ARHGAP32: variants seen among roughly 807,000 people sequenced by gnomAD.
ARHGAP32 encodes the protein rho GTPase-activating protein 32.
A neutral mutation model predicts 186.5 loss-of-function variants in ARHGAP32; 51 were observed. That is an observed-to-expected ratio of 0.27 (90% CI 0.22 to 0.35). The LOEUF (loss-of-function observed/expected upper bound fraction) is 0.35. Among genes scored for constraint, ARHGAP32 ranks in the 10% least tolerant of loss-of-function variants. ARHGAP32 has a pLI of 1.00. For synonymous variants in ARHGAP32, 950 were observed against 964.3 expected (o/e 0.99, Z 0.27); for missense variants, 2,186 against 2,623.5 (o/e 0.83, Z 3.64).
intron 5 of ARHGAP32, among the ~76,000 whole-genome samples, chr11:129,103,383 A>G (rs1308077586): frequency 2.6e-5 from 4 of 151,022 alleles, no homozygotes; most frequent in African/African-American, 4.9e-5. Flanking sequence ...GAATAAACAA[A>G]AATAACAATA....
At chr11:129,268,377 CTTT>C (rs1945432931) in intron 1 of ARHGAP32, among the ~76,000 whole-genome samples, 1 of 152,022 alleles carries the variant, frequency 6.6e-6, no homozygotes, top group South Asian at 2.1e-4. Context: ...AATAAGAACT[CTTT>C]TTAAAAAGTT....
intron 2 of ARHGAP32, among the ~76,000 whole-genome samples, chr11:129,144,263 G>A (rs1943123659): frequency 6.6e-6 from 1 of 152,074 alleles, no homozygotes; most frequent in East Asian, 1.9e-4. Context: ...GCTTTTACAT[G>A]TTTATATATT....
intron 1 of ARHGAP32, among the ~76,000 whole-genome samples, chr11:129,238,574 G>T (rs1007733227): frequency 6.6e-6 from 1 of 151,904 alleles, no homozygotes; most frequent in Non-Finnish European, 1.5e-5. Flanking sequence ...TACACTGATG[G>T]GATTTAAAAT....
chr11:129,013,557 G>A (rs1294182230), intron 11 of ARHGAP32, among the ~76,000 whole-genome samples: 3 of 152,174 alleles, frequency 2.0e-5, no homozygotes, highest in African/African-American at 7.2e-5. Flanking sequence ...GTGGTAGACA[G>A]TAAGAAGTTC....
At chr11:129,153,468 T>C (rs1943334354) in intron 2 of ARHGAP32, among the ~76,000 whole-genome samples, 1 of 152,146 alleles carries the variant, frequency 6.6e-6, no homozygotes, top group Non-Finnish European at 1.5e-5. Context: ...GGCATCACAT[T>C]ACTCAACTTC....
intron 5 of ARHGAP32, among the ~76,000 whole-genome samples, chr11:129,122,432 G>A (rs191726256): frequency 6.6e-6 from 1 of 152,008 alleles, no homozygotes; most frequent in Non-Finnish European, 1.5e-5. Flanking sequence ...ATGCTTAACA[G>A]TCACAAAATG....
chr11:128,974,567 C>T lies in ARHGAP32; in HGVS notation c.2630G>A (p.Ser877Asn), dbSNP rs2136081119. The change falls in exon 21 of 23, where the codon AGT (serine) becomes AAT (asparagine). Residue 877 changes from serine to asparagine, a missense_variant. By Grantham distance (46) the Ser-to-Asn change is conservative (BLOSUM62 1). Around this residue, in one of 5 missense-constraint regions of ARHGAP32, gnomAD observed 1,502 missense variants for 1,570.0 expected, o/e 0.96. Coordinates refer to ENST00000682385, the MANE Select transcript of ARHGAP32 (RefSeq NM_001378024.1). ...GCTCAAGTCCAGGGTAAAGAATGGA[C>T]TCAGTTTCTCCTGAAGAGGAGAGAC... Reference protein sequence around the residue: ...EPVSPLQEKLSPFFTLDLSPT... With the variant: ...EPVSPLQEKLNPFFTLDLSPT... 4 of 1,614,126 alleles carry T rather than the reference C, an allele frequency of 2.5e-6. 1 individual carries two copies. The highest frequency in any genetic ancestry group is 4.5e-5 in the East Asian group (2 of 44,878).
rs1292364478 is a variant in ARHGAP32, at chr11:128,972,466, T to A, written c.4040A>T (p.Asn1347Ile). 1 of 1,514,832 alleles carries A rather than the reference T, an allele frequency of 6.6e-7. No homozygotes were observed. The highest frequency in any genetic ancestry group is 2.3e-5 in the East Asian group (1 of 43,990). 93.8% of individuals were successfully genotyped at this position (1,514,832 alleles called of 1,614,324 possible). Residue 1347 changes from asparagine (N) to isoleucine (I), a missense_variant, in exon 22 of 23, where the codon AAT becomes ATT. Physicochemically the swap from Asn to Ile is moderately radical, Grantham distance 149. Coordinates refer to ENST00000682385, the MANE Select transcript of ARHGAP32 (RefSeq NM_001378024.1). ...TCCCCTTCTTACCTTGTGGGAATTA[T>A]TTAATCCTATATTGGTTGCTGCTTG... ...QVQAATNIGL[N>I]NSHKVQGVVP...
intron 1 of ARHGAP32, among the ~76,000 whole-genome samples, chr11:129,182,085 A>G (rs1944067551): frequency 6.6e-6 from 1 of 152,132 alleles, no homozygotes; most frequent in Non-Finnish European, 1.5e-5. Context: ...TTTCCATATC[A>G]ATACATAGAA....
At chr11:129,146,014 T>C (rs142861961) in intron 2 of ARHGAP32, among the ~76,000 whole-genome samples, 1 of 152,254 alleles carries the variant, frequency 6.6e-6, no homozygotes, top group Non-Finnish European at 1.5e-5. Context: ...ACATTTGTGA[T>C]GGTTCACAAA....
chr11:129,189,535 T>C (rs1318768356), intron 1 of ARHGAP32, among the ~76,000 whole-genome samples: 1 of 152,218 alleles, frequency 6.6e-6, no homozygotes, highest in Non-Finnish European at 1.5e-5. Flanking sequence ...GGGATGGATT[T>C]TTCTAATCAT....
chr11:129,160,062 T>C (rs1410381839), intron 2 of ARHGAP32, among the ~76,000 whole-genome samples: 2 of 152,210 alleles, frequency 1.3e-5, no homozygotes, highest in East Asian at 3.8e-4. Context: ...TGCTTCATGC[T>C]AAAAACTCTC....
intron 1 of ARHGAP32, among the ~76,000 whole-genome samples, chr11:129,205,207 TTTATG>T (rs1944501451): frequency 1.3e-5 from 2 of 152,168 alleles, no homozygotes; most frequent in South Asian, 2.1e-4. Context: ...TCTGGGGCTT[TTTATG>T]TTATATTTTC....
At chr11:129,207,980 C>T (rs1944535717) in intron 1 of ARHGAP32, among the ~76,000 whole-genome samples, 1 of 152,090 alleles carries the variant, frequency 6.6e-6, no homozygotes, top group South Asian at 2.1e-4. Context: ...TACGTCCTCC[C>T]ACACAATCCA....
chr11:129,173,619 C>T (rs1284955624), intron 1 of ARHGAP32, among the ~76,000 whole-genome samples: 1 of 152,172 alleles, frequency 6.6e-6, no homozygotes, highest in Admixed American at 6.5e-5. Flanking sequence ...AGCTTATCCA[C>T]CACGATCAAG....
intron 1 of ARHGAP32, among the ~76,000 whole-genome samples, chr11:129,182,584 T>C (rs1312093885): frequency 6.6e-6 from 1 of 152,032 alleles, no homozygotes; most frequent in Non-Finnish European, 1.5e-5. Context: ...CTTTAAATCA[T>C]AGTTCAAAAT....
At chr11:129,132,407 GGT>G in intron 2 of ARHGAP32, among the ~76,000 whole-genome samples, 1 of 152,034 alleles carries the variant, frequency 6.6e-6, no homozygotes, top group East Asian at 1.9e-4. Context: ...TTGAGCCTAA[GGT>G]TAAGGCTGCA....
At chr11:129,208,497 T>C (rs1428484419) in intron 1 of ARHGAP32, among the ~76,000 whole-genome samples, 1 of 152,056 alleles carries the variant, frequency 6.6e-6, no homozygotes, top group African/African-American at 2.4e-5. Flanking sequence ...AACCTTCAGA[T>C]CAAACAACAG....
At chr11:128,978,643 C>G in intron 19 of ARHGAP32, 127 bp downstream of exon 19, 1 of 817,632 alleles carries the variant, frequency 1.2e-6, no homozygotes, top group Non-Finnish European at 1.8e-6. Flanking sequence ...AGAGAAGACA[C>G]TCTGTATGTG....
Sources: allele counts gnomAD v4.1 joint callset (sites outside exome capture counted in the v4.1 genomes callset), GRCh38; gene constraint gnomAD v4.1.1; regional missense constraint gnomAD v4.1.1; transcripts MANE v1.5; gene names NCBI Gene and HGNC (gene_info 2026-07-23, HGNC 2026-07-21).